ATAD2B: variants seen among roughly 807,000 people sequenced by gnomAD.
The protein encoded by ATAD2B is ATPase family AAA domain-containing protein 2B.
Under a neutral mutation model 167.6 loss-of-function variants are expected in ATAD2B, and 40 were observed. The observed-to-expected ratio is 0.24, with a 90% CI of 0.19 to 0.31. ATAD2B has a LOEUF of 0.31. Ranked by LOEUF, ATAD2B falls within the 10% of genes least tolerant of loss-of-function variation. ATAD2B has a pLI of 1.00. For missense variants in ATAD2B, 1,242 were observed against 1,757.2 expected, an observed-to-expected ratio of 0.71 and a Z score of 5.24; for synonymous variants, 579 against 596.5, an observed-to-expected ratio of 0.97 and a Z score of 0.43.
intron 18 of ATAD2B, among the ~76,000 whole-genome samples, chr2:23,804,674 G>GA (rs556263378): frequency 0.079 from 9,969 of 125,950 alleles, 420 homozygotes; most frequent in African/African-American, 0.15. Context: ...AAAAAATCAG[G>GA]AAAAAAAAAA....
At chr2:23,762,416 A>C in intron 23 of ATAD2B, 70 bp from the exon 24 acceptor site, 3 of 1,477,100 alleles carry the variant, frequency 2.0e-6, no homozygotes, top group Non-Finnish European at 2.7e-6. Flanking sequence ...TTTTTAAAAA[A>C]ATCTCAAATA....
intron 18 of ATAD2B, among the ~76,000 whole-genome samples, chr2:23,801,841 C>G (rs145915361): frequency 6.6e-6 from 1 of 152,028 alleles, no homozygotes. Flanking sequence ...ATAACTCTTG[C>G]ACTTACAAGA....
In ATAD2B at chr2:23,867,025, C is replaced by T. The variant is rs556266770; in HGVS notation, c.1188+810G>A. Among the ~76,000 whole-genome samples the T allele has an allele frequency of 8.5e-5, 13 of 152,210 alleles. No homozygotes were observed. In the South Asian group the frequency reaches 2.1e-3, roughly 24 times the overall value. ...CATCTATTTTCCAAAGTGACCTCAC[C>T]GCTCTTTATATTGATGACCCGTATT... is the stretch of plus-strand genomic sequence containing the variant. On this transcript the variant is annotated intron_variant, in intron 10 of 27. Transcript: ENST00000238789.
the ATAD2B span, among the ~76,000 whole-genome samples, chr2:23,701,793 C>CTTTTTTTTTTTTT: frequency 2.0e-3 from 44 of 22,540 alleles, 3 homozygotes; most frequent in Non-Finnish European, 3.3e-3. Context: ...CTTTTTTTTG[C>CTTTTTTTTTTTTT]TTTTTTTTTT....
the ATAD2B span, among the ~76,000 whole-genome samples, chr2:23,727,240 C>CAA: frequency 6.6e-6 from 1 of 152,178 alleles, no homozygotes; most frequent in Admixed American, 6.5e-5. Context: ...AAAAACTCAA[C>CAA]AAGCGTCACA....
chr2:23,719,920 C>T, the ATAD2B span, among the ~76,000 whole-genome samples: 4 of 152,184 alleles, frequency 2.6e-5, no homozygotes, highest in African/African-American at 9.7e-5. Context: ...CAGCGCCATG[C>T]TGTAGGAGGT....
the ATAD2B span, among the ~76,000 whole-genome samples, chr2:23,731,543 G>C: frequency 6.6e-6 from 1 of 152,178 alleles, no homozygotes; most frequent in Non-Finnish European, 1.5e-5. Context: ...TAAGTCTCTA[G>C]ATCAGTGCTG....
At chr2:23,847,524 G>T (rs184561367) in intron 13 of ATAD2B, among the ~76,000 whole-genome samples, 1 of 151,790 alleles carries the variant, frequency 6.6e-6, no homozygotes, top group African/African-American at 2.4e-5. Context: ...AGTCAGGTGG[G>T]TACAGTGGCA....
At chr2:23,882,103 T>C (rs2176264) in intron 6 of ATAD2B, among the ~76,000 whole-genome samples, 68,519 of 152,082 alleles carry the variant, frequency 0.45, 16,353 homozygotes, top group East Asian at 0.78. Context: ...CACCTGCCTC[T>C]AGTCCCAAAT....
At chr2:23,891,146 G>A (rs930096735) in intron 2 of ATAD2B, among the ~76,000 whole-genome samples, 11 of 150,842 alleles carry the variant, frequency 7.3e-5, no homozygotes, top group East Asian at 2.0e-4. Flanking sequence ...TCAGCCTCCC[G>A]AGTAGCTGGG....
At chr2:23,691,761 G>A in the ATAD2B span, 3 of 1,551,798 alleles carry the variant, frequency 1.9e-6, no homozygotes, top group South Asian at 1.2e-5. Flanking sequence ...AGTTGCTGCT[G>A]GAGTTTGTCT....
intron 17 of ATAD2B, among the ~76,000 whole-genome samples, chr2:23,815,967 T>C (rs976888603): frequency 6.6e-6 from 1 of 152,204 alleles, no homozygotes; most frequent in Non-Finnish European, 1.5e-5. Flanking sequence ...GGCCAGGATC[T>C]TACCCTATTT....
chr2:23,869,525 G>T (rs1695606821), intron 9 of ATAD2B, 138 bp downstream of exon 9: 1 of 636,366 alleles, frequency 1.6e-6, no homozygotes, highest in Non-Finnish European at 2.8e-6. Flanking sequence ...TGAAAGAAAA[G>T]CTAAGTAGAA....
chr2:23,823,789 A>G (rs1392732602), intron 15 of ATAD2B, among the ~76,000 whole-genome samples: 3 of 30,064 alleles, frequency 1.0e-4, no homozygotes, highest in African/African-American at 4.3e-4. Context: ...AATGTTTTGA[A>G]TATTTTTAAT....
At chr2:23,867,732 C>A (rs748205475) in intron 10 of ATAD2B, 103 bp downstream of exon 10, 30 of 775,534 alleles carry the variant, frequency 3.9e-5, no homozygotes, top group Admixed American at 7.2e-5. Flanking sequence ...AACATTAACA[C>A]TGTCATATCC....
the ATAD2B span, among the ~76,000 whole-genome samples, chr2:23,723,448 G>A: frequency 1.7e-5 from 2 of 117,984 alleles, no homozygotes; most frequent in Admixed American, 1.0e-4. Context: ...AGGAAGGAGG[G>A]AAGGAGAAAG....
chr2:23,703,929 C>A, the ATAD2B span: 1 of 1,453,744 alleles, frequency 6.9e-7, no homozygotes. Flanking sequence ...GGTGTGACCA[C>A]AATGATTTCC....
chr2:23,814,741 G>T (rs1686163400), intron 17 of ATAD2B, among the ~76,000 whole-genome samples: 1 of 152,062 alleles, frequency 6.6e-6, no homozygotes, highest in Admixed American at 6.6e-5. Flanking sequence ...GCTACAAAGG[G>T]TTTTGTAAGC....
chr2:23,741,960 T>C, the ATAD2B span, among the ~76,000 whole-genome samples: 283 of 152,076 alleles, frequency 1.9e-3, no homozygotes, highest in African/African-American at 5.0e-3. Context: ...AAAATGCTCA[T>C]CATCACTGGC....
Sources: gnomAD v4.1 joint callset for allele counts (sites outside exome capture counted in the v4.1 genomes callset) on GRCh38, gnomAD v4.1.1 for gene constraint, MANE v1.5 for transcripts, NCBI Gene and HGNC (gene_info 2026-07-23, HGNC 2026-07-21) for gene names.